The following NDRG2 variants were observed in gnomAD, a reference collection of about 807,000 sequenced individuals.
NDRG2 encodes NDRG family member 2.
NDRG2 carries 34 observed loss-of-function variants against 58.2 expected under a neutral mutation model. The observed-to-expected ratio is 0.58, with a 90% CI of 0.44 to 0.78. NDRG2 has a LOEUF of 0.78. NDRG2 is among the 30% of genes least tolerant of loss of function. NDRG2 has a pLI of 0.00. For synonymous variants in NDRG2, 187 were observed against 175.9 expected, an observed-to-expected ratio of 1.06 and a Z score of -0.50; for missense variants, 434 against 471.2, an observed-to-expected ratio of 0.92 and a Z score of 0.73.
In NDRG2 at chr14:21,036,126, C is replaced by CGGACT. The variant is rs1455373492; in HGVS notation, c.25-12806_25-12805insAGTCC. The CGGACT allele has an allele frequency of 8.0e-5, 36 of 451,520 alleles. No individual in the cohort carries two copies. The Admixed American group carries it at 8.3e-4, about 10-fold the overall frequency. 28.0% of individuals were successfully genotyped at this position (451,520 alleles called of 1,614,324 possible). On this transcript the variant is annotated intron_variant, in intron 1 of 14. Coordinates refer to the NDRG2 transcript ENST00000403829. The stretch of plus-strand genomic sequence containing the variant: ...TCAGTATGAGCCTGAGTCCATCAGT[C>CGGACT]ACACAGCCCTGACAATCTTAAACTT...
At chr14:21,019,595 G>A in intron 10 of NDRG2, 44 bp downstream of exon 10, 2 of 1,333,072 alleles carry the variant, frequency 1.5e-6, no homozygotes, top group Non-Finnish European at 1.1e-6. Flanking sequence ...CCCAATTACT[G>A]CTTCTGCATT....
At position 21,017,713 on chromosome 14, in the gene NDRG2, CAG is replaced by C; in HGVS notation, c.997_998del (p.Leu333AspfsTer7). ...TRLSRSRTAS[L>X]TSAASVDGNR... Reference sequence around the variant, plus strand: ...TGCCATCAACGGATGCTGCACTGGTCAGAGAGGCTGTACGAGACCGGGACAGG... The same window carrying C: ...TGCCATCAACGGATGCTGCACTGGTCAGAGGCTGTACGAGACCGGGACAGG... On this transcript the variant is annotated frameshift_variant, in exon 16 of 16. Coordinates refer to ENST00000556147, the MANE Select transcript of NDRG2 (RefSeq NM_001320329.2). LOFTEE classifies it high-confidence loss of function. 6.2e-7 allele frequency: 1 copy of C among 1,605,684 alleles called. No homozygotes were observed. The highest frequency in any genetic ancestry group is 8.5e-7 in the Non-Finnish European group (1 of 1,175,950).
chr14:21,031,398 A>G (rs539166280), intron 1 of NDRG2: 83 of 528,384 alleles, frequency 1.6e-4, no homozygotes, highest in African/African-American at 1.5e-3. Flanking sequence ...AGTGTCTAGT[A>G]TCTGAGCCAG....
Position 21,025,039 on chromosome 14 carries a change from C to A in NDRG2, c.-1016G>T. 1 of 986,076 alleles carries A rather than the reference C, an allele frequency of 1.0e-6. No individual in the cohort carries two copies. The highest frequency in any genetic ancestry group is 4.7e-5 in the South Asian group (1 of 21,320). 61.1% of individuals were successfully genotyped at this position (986,076 alleles called of 1,614,324 possible). Reference sequence around the variant, plus strand: ...TGCCCCTCCCCCTACCTGCTGCCGCCGCGGCCGCTTCCACCTTCACTTGCC... The same window carrying A: ...TGCCCCTCCCCCTACCTGCTGCCGCAGCGGCCGCTTCCACCTTCACTTGCC... On this transcript the variant is annotated 5_prime_UTR_variant, in exon 1 of 16. Coordinates refer to ENST00000556147, the MANE Select transcript of NDRG2 (RefSeq NM_001320329.2). This position sits in a 1 kb window ranked among gnomAD's most constrained non-coding sequence, Gnocchi z 5.1.
At chr14:21,045,225 G>A (rs1275432646) in intron 1 of NDRG2, among the ~76,000 whole-genome samples, 1 of 152,186 alleles carries the variant, frequency 6.6e-6, no homozygotes, top group Non-Finnish European at 1.5e-5. Flanking sequence ...AGTCCTGGGA[G>A]GGCAGCCAGG....
intron 1 of NDRG2, chr14:21,057,922 C>CCTG (rs775388608): frequency 1.2e-6 from 2 of 1,609,596 alleles, no homozygotes; most frequent in South Asian, 2.2e-5. Flanking sequence ...GATGCTGCCC[C>CCTG]CTGCTGCTGC....
chr14:21,046,372 A>G (rs555437864), intron 1 of NDRG2, among the ~76,000 whole-genome samples: 1 of 152,202 alleles, frequency 6.6e-6, no homozygotes, highest in South Asian at 2.1e-4. Context: ...AAAAAATACA[A>G]TTAGCTGGGT....
chr14:21,065,463 G>C (rs1490725271), intron 1 of NDRG2, among the ~76,000 whole-genome samples: 1 of 152,150 alleles, frequency 6.6e-6, no homozygotes, highest in East Asian at 1.9e-4. Flanking sequence ...TGACAAAATA[G>C]ACAAGGTCCC....
At chr14:21,019,059 C>A in intron 11 of NDRG2, 57 bp downstream of exon 11, 1 of 1,528,278 alleles carries the variant, frequency 6.5e-7, no homozygotes, top group South Asian at 1.2e-5. Context: ...CTAAGGGACA[C>A]AAGCTCCTAG....
chr14:21,025,234 G>C (rs907321890), upstream of NDRG2: 10 of 827,920 alleles, frequency 1.2e-5, no homozygotes, highest in African/African-American at 1.8e-5. This position sits in a 1 kb window ranked among gnomAD's most constrained non-coding sequence, Gnocchi z 5.1. Context: ...TGCTGGGGCC[G>C]GGGGGCGAGG....
chr14:21,052,315 G>C (rs942185125), intron 1 of NDRG2, among the ~76,000 whole-genome samples: 5 of 152,182 alleles, frequency 3.3e-5, no homozygotes, highest in African/African-American at 1.2e-4. Flanking sequence ...CTTACTGGAT[G>C]AAAGAGTTAA....
chr14:21,022,765 G>C, intron 3 of NDRG2, 99 bp downstream of exon 3: 1 of 1,225,552 alleles, frequency 8.2e-7, no homozygotes, highest in Non-Finnish European at 1.2e-6. Context: ...TAGAAGGAAA[G>C]AAAGCAAAGA....
chr14:21,023,149 G>C, intron 2 of NDRG2, 92 bp downstream of exon 2: 1 of 1,118,920 alleles, frequency 8.9e-7, no homozygotes, highest in Non-Finnish European at 1.3e-6. Context: ...GTGTGAGTTA[G>C]AATAAGATCA....
intron 2 of NDRG2, 60 bp downstream of exon 2, chr14:21,023,181 G>C (rs1881711511): frequency 1.4e-6 from 2 of 1,421,476 alleles, no homozygotes; most frequent in South Asian, 2.3e-5. Flanking sequence ...AAGTTAGAAG[G>C]CAAGGGGGAT....
chr14:21,038,240 G>A (rs552590162), intron 1 of NDRG2, among the ~76,000 whole-genome samples: 7 of 152,296 alleles, frequency 4.6e-5, no homozygotes, highest in Admixed American at 3.3e-4. Flanking sequence ...AGGAGCAGAC[G>A]GAATGCCTTC....
chr14:21,027,075 TA>T (rs1200743680), upstream of NDRG2, among the ~76,000 whole-genome samples: 2 of 152,128 alleles, frequency 1.3e-5, no homozygotes, highest in African/African-American at 4.8e-5. Context: ...GGGAACCTGA[TA>T]AGGGGCCTAC....
chr14:21,063,672 G>T (rs761275745), intron 1 of NDRG2, among the ~76,000 whole-genome samples: 1 of 152,200 alleles, frequency 6.6e-6, no homozygotes, highest in African/African-American at 2.4e-5. Flanking sequence ...TCTGCTGGGG[G>T]TCTGCCAATG....
At position 21,017,430 on chromosome 14, in the gene NDRG2, C is replaced by T. The variant is rs1053941613; in HGVS notation, c.*166G>A. The stretch of plus-strand genomic sequence containing the variant: ...CTCTTCCAGGAGCTGGGGGGAATCA[C>T]GGGTTAAAGGTCAAGGTTAGGGTAG... On this transcript the variant is annotated 3_prime_UTR_variant, in exon 16 of 16. Coordinates refer to ENST00000556147, the MANE Select transcript of NDRG2 (RefSeq NM_001320329.2). The T allele has an allele frequency of 1.7e-5, 13 of 764,926 alleles. No homozygotes were observed. The highest frequency in any genetic ancestry group is 3.9e-4 in the Middle Eastern group (1 of 2,580). 47.4% of individuals were successfully genotyped at this position (764,926 alleles called of 1,614,324 possible).
intron 1 of NDRG2, among the ~76,000 whole-genome samples, chr14:21,055,531 G>C (rs1012312489): frequency 2.0e-5 from 3 of 152,124 alleles, no homozygotes; most frequent in African/African-American, 7.2e-5. Context: ...GAATGACTAG[G>C]ATCAAAACAC....
Sources: allele counts gnomAD v4.1 joint callset (sites outside exome capture counted in the v4.1 genomes callset), GRCh38; gene constraint gnomAD v4.1.1; non-coding constraint Gnocchi (gnomAD v3.1); transcripts MANE v1.5; gene names NCBI Gene and HGNC (gene_info 2026-07-23, HGNC 2026-07-21).